Variants in NANS observed in about 807,000 individuals in gnomAD.
NANS encodes the protein N-acetylneuraminate synthase, also known as N-acetylneuraminate-9-phosphate synthase.
Under a neutral mutation model 33.3 loss-of-function variants are expected in NANS, and 29 were observed. The ratio of observed to expected loss-of-function variants is 0.87; its 90% confidence interval spans 0.65 to 1.19. The LOEUF is 1.19. NANS is among the 50% of genes most tolerant of loss of function. NANS has a pLI of 0.00. For synonymous variants in NANS, 163 were observed against 177.2 expected (o/e 0.92, Z 0.64); for missense variants, 394 against 461.1 (o/e 0.85, Z 1.33).
Position 98,056,813 on chromosome 9 carries a change from CGCTGGA to C in NANS, c.16_21del (p.Glu6_Leu7del), listed in dbSNP as rs776860726. 2.0e-5 allele frequency: 33 copies of C among 1,610,690 alleles called. No homozygotes were observed. In the African/African-American group the frequency reaches 3.5e-4, roughly 17 times the overall value. ...TTTGGACCCCGAGCCGCTGCAATGC[CGCTGGA>C]GCTGGAGCTGTGTCCCGGGCGCTGG... On this transcript the variant is annotated inframe_deletion, in exon 1 of 6. Transcript: ENST00000210444.
chr9:98,057,040 T>C, intron 1 of NANS, 100 bp downstream of exon 1: 1 of 1,387,520 alleles, frequency 7.2e-7, no homozygotes, highest in East Asian at 2.7e-5. Flanking sequence ...CTGGGTACCC[T>C]GGTCCGGCCT....
At chr9:98,071,327 A>G (rs1829330966) in intron 2 of NANS, among the ~76,000 whole-genome samples, 1 of 152,192 alleles carries the variant, frequency 6.6e-6, no homozygotes, top group Non-Finnish European at 1.5e-5. Flanking sequence ...CCCGGGCTAT[A>G]TGGCCCAGTG....
intron 2 of NANS, among the ~76,000 whole-genome samples, chr9:98,069,940 T>G (rs1210807580): frequency 6.6e-6 from 1 of 152,176 alleles, no homozygotes; most frequent in East Asian, 1.9e-4. Flanking sequence ...ATTGGTTGAC[T>G]TTGTCAATGT....
chr9:98,056,791 G>T lies in NANS; in HGVS notation c.-18G>T. The T allele has an allele frequency of 1.2e-6, 2 of 1,609,636 alleles. No homozygotes were observed. The highest frequency in any genetic ancestry group is 1.7e-6 in the Non-Finnish European group (2 of 1,178,926). ...GGACCCAGACTGGTAGTGAGGCTTT[G>T]GACCCCGAGCCGCTGCAATGCCGCT... On this transcript the variant is annotated 5_prime_UTR_variant, in exon 1 of 6. Transcript: ENST00000210444.
At chr9:98,069,157 T>C (rs1481092341) in intron 2 of NANS, 1 of 152,242 alleles carries the variant, frequency 6.6e-6, no homozygotes, top group East Asian at 1.9e-4. Flanking sequence ...TTACAACTTT[T>C]ATTCTTAGTA....
At chr9:98,081,363 C>T (rs1829853073) in intron 5 of NANS, 1 of 456,240 alleles carries the variant, frequency 2.2e-6, no homozygotes, top group African/African-American at 2.0e-5. Flanking sequence ...AGCCCATGGC[C>T]CCAGTACTCC....
chr9:98,059,732 T>G (rs1206879728), intron 1 of NANS, among the ~76,000 whole-genome samples: 1 of 148,922 alleles, frequency 6.7e-6, no homozygotes, highest in East Asian at 1.9e-4. Flanking sequence ...TGTTTTTTGT[T>G]TTTTTTTTTT....
At chr9:98,082,789 G>A in intron 5 of NANS, 57 bp from the exon 6 acceptor site, 2 of 1,532,054 alleles carry the variant, frequency 1.3e-6, no homozygotes, top group Non-Finnish European at 1.8e-6. Flanking sequence ...GTAAAGTAAA[G>A]TAGTGTGCAC....
intron 1 of NANS, among the ~76,000 whole-genome samples, chr9:98,057,902 G>GTTT (rs60923228): frequency 1.1e-5 from 1 of 93,230 alleles, no homozygotes; most frequent in Non-Finnish European, 2.0e-5. Context: ...TTCTCTTACT[G>GTTT]TTTTTTTTTT....
At chr9:98,062,777 G>GTTTTTTT (rs765558300) in intron 2 of NANS, among the ~76,000 whole-genome samples, 1 of 109,312 alleles carries the variant, frequency 9.1e-6, no homozygotes, top group Non-Finnish European at 1.9e-5. Flanking sequence ...AGTTATTTCA[G>GTTTTTTT]TTTTTTTTTT....
At chr9:98,074,011 C>T (rs1474942258) in intron 2 of NANS, among the ~76,000 whole-genome samples, 1 of 151,998 alleles carries the variant, frequency 6.6e-6, no homozygotes, top group African/African-American at 2.4e-5. Context: ...GTGTCAAACT[C>T]CTGGGCTAAA....
Position 98,062,456 on chromosome 9 carries a change from T to TA in NANS, c.348+1467dup, listed in dbSNP as rs199985373. 7.5e-3 allele frequency among the ~76,000 whole-genome samples: 1,140 copies of TA among 152,142 alleles called. 53 individuals carry two copies. The highest frequency in any genetic ancestry group is 0.065 in the Admixed American group (988 of 15,270). Reference sequence around the variant, plus strand: ...ATTCCTTCATGTGTTCTTTTGAATGTAAAAAAAATTTTACTTGTAAAAATA... The same window carrying TA: ...ATTCCTTCATGTGTTCTTTTGAATGTAAAAAAAAATTTTACTTGTAAAAATA... On this transcript the variant is annotated intron_variant, in intron 2 of 5. Coordinates refer to ENST00000210444, the MANE Select transcript of NANS (RefSeq NM_018946.4).
At chr9:98,060,150 A>G (rs1043735391) in intron 1 of NANS, among the ~76,000 whole-genome samples, 4 of 152,224 alleles carry the variant, frequency 2.6e-5, no homozygotes, top group Non-Finnish European at 5.9e-5. Context: ...TCAGTTATAT[A>G]ACTTAAAATC....
chr9:98,061,058 T>G, intron 2 of NANS, 61 bp downstream of exon 2: 1 of 1,550,742 alleles, frequency 6.4e-7, no homozygotes, highest in Non-Finnish European at 8.9e-7. Context: ...GCAGGCAGCC[T>G]GGTGACTTCC....
intron 2 of NANS, among the ~76,000 whole-genome samples, chr9:98,074,343 C>T (rs1231754793): frequency 1.3e-5 from 2 of 152,022 alleles, no homozygotes; most frequent in Non-Finnish European, 2.9e-5. Context: ...CTGAGGCTGC[C>T]GGGCTGCATG....
rs35104052 is a variant in NANS, at chr9:98,057,922, G to GTTTTTTT, written c.132+996_132+1002dup. Among the ~76,000 whole-genome samples, 16 of 78,086 alleles carry GTTTTTTT rather than the reference G, an allele frequency of 2.0e-4. 1 individual carries two copies. Among genetic ancestry groups the GTTTTTTT allele is most frequent in the Non-Finnish European group, 2.3e-4 (10 of 43,330 alleles). 51.2% of individuals were successfully genotyped at this position (78,086 alleles called of 152,430 possible). Reference sequence around the variant, plus strand: ...TTACTGTTTTTTTTTTTTTTTCCTGGTTTTTTTTTTTTTTTTTTTTGAGAC... The same window carrying GTTTTTTT: ...TTACTGTTTTTTTTTTTTTTTCCTGGTTTTTTTTTTTTTTTTTTTTTTTTTTTGAGAC... On this transcript the variant is annotated intron_variant, in intron 1 of 5. Coordinates refer to ENST00000210444, the MANE Select transcript of NANS (RefSeq NM_018946.4).
At chr9:98,061,086 A>C (rs1462185176) in intron 2 of NANS, 89 bp downstream of exon 2, 1 of 1,251,038 alleles carries the variant, frequency 8.0e-7, no homozygotes, top group East Asian at 2.4e-5. Flanking sequence ...GGCCACCTCC[A>C]GCCCTTGCTC....
Position 98,083,028 on chromosome 9 carries a change from T to TAATC in NANS, c.1055_1058dup (p.His353GlnfsTer?), listed in dbSNP as rs1564168134. 1.2e-6 allele frequency: 2 copies of TAATC among 1,614,168 alleles called. No individual in the cohort carries two copies. The highest frequency in any genetic ancestry group is 1.7e-6 in the Non-Finnish European group (2 of 1,180,026). ...ACACCATCATGGAAGAATTGGTAGA[T>TAATC]AATCATGGCAAAAAAATCAAGTCTT... is the stretch of plus-strand genomic sequence containing the variant. On this transcript the variant is annotated frameshift_variant, in exon 6 of 6. Transcript: ENST00000210444. LOFTEE classifies it high-confidence loss of function.
intron 2 of NANS, among the ~76,000 whole-genome samples, chr9:98,067,924 G>A (rs575683331): frequency 1.3e-5 from 2 of 152,186 alleles, no homozygotes; most frequent in South Asian, 4.2e-4. Context: ...ATCTCACTAT[G>A]TAGCCCAGGC....
Sources: gnomAD v4.1 joint callset for allele counts (sites outside exome capture counted in the v4.1 genomes callset) on GRCh38, gnomAD v4.1.1 for gene constraint, MANE v1.5 for transcripts, NCBI Gene and HGNC (gene_info 2026-07-23, HGNC 2026-07-21) for gene names.